Variants in SOBP observed in about 807,000 individuals in gnomAD.
SOBP encodes sine oculis binding protein homolog.
SOBP carries 4 observed loss-of-function variants against 53.6 expected under a neutral mutation model. The ratio of observed to expected loss-of-function variants is 0.07; its 90% confidence interval spans 0.04 to 0.17. The LOEUF is 0.17. Ranked by LOEUF, SOBP falls within the 10% of genes least tolerant of loss-of-function variation. The probability of loss-of-function intolerance (pLI) is 1.00; values close to 1 mark genes in which losing one functional copy is unlikely to be tolerated. For missense variants in SOBP, 1,088 were observed against 1,204.7 expected, an observed-to-expected ratio of 0.90 and a Z score of 1.43; for synonymous variants, 584 against 522.6, an observed-to-expected ratio of 1.12 and a Z score of -1.60.
At chr6:107,643,479 C>T (rs558975799) in intron 6 of SOBP, among the ~76,000 whole-genome samples, 6 of 152,172 alleles carry the variant, frequency 3.9e-5, no homozygotes, top group Admixed American at 1.3e-4. Flanking sequence ...TGCAGTGACG[C>T]GATCTCGGCC....
intron 4 of SOBP, among the ~76,000 whole-genome samples, chr6:107,582,397 G>C (rs1322360221): frequency 6.6e-6 from 1 of 152,144 alleles, no homozygotes; most frequent in African/African-American, 2.4e-5. Context: ...GTTTAAACCA[G>C]AGGTTTTTGA....
At chr6:107,620,797 C>T (rs1245987387) in intron 5 of SOBP, among the ~76,000 whole-genome samples, 1 of 152,222 alleles carries the variant, frequency 6.6e-6, no homozygotes, top group South Asian at 2.1e-4. Flanking sequence ...CTGTGTCTCA[C>T]CAGATCCAGG....
chr6:107,657,250 G>T (rs1326377777), intron 6 of SOBP, among the ~76,000 whole-genome samples: 2 of 152,222 alleles, frequency 1.3e-5, no homozygotes, highest in African/African-American at 4.8e-5. Flanking sequence ...AAGGCTGCAG[G>T]TATCAAGAGG....
chr6:107,601,402 A>T (rs571054190), intron 5 of SOBP, among the ~76,000 whole-genome samples: 1 of 152,358 alleles, frequency 6.6e-6, no homozygotes, highest in African/African-American at 2.4e-5. Flanking sequence ...ATTCATGTGT[A>T]TGTTTGAATT....
intron 4 of SOBP, among the ~76,000 whole-genome samples, chr6:107,561,572 T>C (rs1417000492): frequency 6.6e-6 from 1 of 152,182 alleles, no homozygotes; most frequent in Non-Finnish European, 1.5e-5. Context: ...GAGGAGGTGC[T>C]TTCTCTTTTG....
At chr6:107,522,236 C>G (rs2114972671) in intron 3 of SOBP, among the ~76,000 whole-genome samples, 1 of 152,212 alleles carries the variant, frequency 6.6e-6, no homozygotes, top group South Asian at 2.1e-4. Context: ...CCATGGAGAC[C>G]ATGCCAGGAG....
At chr6:107,630,280 T>C (rs910320758) in intron 5 of SOBP, among the ~76,000 whole-genome samples, 2 of 152,172 alleles carry the variant, frequency 1.3e-5, no homozygotes, top group African/African-American at 4.8e-5. Context: ...TGAAATAAAA[T>C]GTAAAGCTGT....
intron 4 of SOBP, among the ~76,000 whole-genome samples, chr6:107,548,409 A>AT (rs1259314592): frequency 1.1e-4 from 17 of 151,798 alleles, no homozygotes; most frequent in African/African-American, 3.4e-4. Context: ...TGCCTGGCTA[A>AT]TTTTTTGTAT....
intron 4 of SOBP, among the ~76,000 whole-genome samples, chr6:107,539,347 A>G (rs1426542079): frequency 1.3e-5 from 2 of 152,206 alleles, no homozygotes; most frequent in African/African-American, 4.8e-5. Context: ...TGTGTTCAAC[A>G]TTTTTCAGTG....
At position 107,490,536 on chromosome 6, in the gene SOBP, TCCA is replaced by T. The variant is rs929041527; in HGVS notation, c.-78_-76del. The T allele has an allele frequency of 1.8e-5, 18 of 1,014,240 alleles. No individual in the cohort carries two copies. The highest frequency in any genetic ancestry group is 6.2e-5 in the Admixed American group (3 of 48,638). 62.8% of individuals were successfully genotyped at this position (1,014,240 alleles called of 1,614,324 possible). A position where few individuals can be genotyped will look rare whatever the true frequency, so the allele number is the denominator to read the frequency against. On this transcript the variant is annotated 5_prime_UTR_variant, in exon 1 of 7. Transcript: ENST00000317357. Reference sequence around the variant, plus strand: ...CAGCCTCGCCACCATCAGCACCACCTCCACCGCCGCCGCCGCCGCCACCACCAC... The same window carrying T: ...CAGCCTCGCCACCATCAGCACCACCTCCGCCGCCGCCGCCGCCACCACCAC...
At chr6:107,577,455 A>AG (rs1252387849) in intron 4 of SOBP, among the ~76,000 whole-genome samples, 3 of 152,212 alleles carry the variant, frequency 2.0e-5, no homozygotes, top group Non-Finnish European at 1.5e-5. Flanking sequence ...CCAGGGACTC[A>AG]GTTTCACTGA....
intron 3 of SOBP, among the ~76,000 whole-genome samples, chr6:107,518,541 G>A (rs1178077784): frequency 1.3e-5 from 2 of 152,146 alleles, no homozygotes; most frequent in Admixed American, 1.3e-4. Context: ...CAACACAAAT[G>A]TGTATATATG....
intron 3 of SOBP, among the ~76,000 whole-genome samples, chr6:107,521,985 C>G (rs796067259): frequency 1.0e-4 from 15 of 149,560 alleles, no homozygotes; most frequent in South Asian, 2.1e-4. Flanking sequence ...TGAGAATTAC[C>G]AAGTCCAGAG....
At chr6:107,619,962 G>A (rs762214884) in intron 5 of SOBP, among the ~76,000 whole-genome samples, 2 of 152,152 alleles carry the variant, frequency 1.3e-5, no homozygotes, top group Non-Finnish European at 2.9e-5. Flanking sequence ...GGAAGGTTAT[G>A]GTAAGGATTA....
At chr6:107,604,130 T>G (rs900963263) in intron 5 of SOBP, among the ~76,000 whole-genome samples, 1 of 152,264 alleles carries the variant, frequency 6.6e-6, no homozygotes, top group Non-Finnish European at 1.5e-5. Flanking sequence ...CTTTTGAGAA[T>G]GCTGTGAATT....
At chr6:107,500,733 G>T (rs930404338) in intron 1 of SOBP, among the ~76,000 whole-genome samples, 3 of 151,990 alleles carry the variant, frequency 2.0e-5, no homozygotes, top group Non-Finnish European at 4.4e-5. Flanking sequence ...CACCATGTTA[G>T]CCAGGATGGT....
rs140256811 is a variant in SOBP at position 107,501,392 on chromosome 6, G to A, written c.97-2265G>A. Reference sequence around the variant, plus strand: ...GGGGTTGCTCCATGATTATGCATTCGTAGCCTTTGTGTGACTTCAGAGGCT... The same window carrying A: ...GGGGTTGCTCCATGATTATGCATTCATAGCCTTTGTGTGACTTCAGAGGCT... On this transcript the variant is annotated intron_variant, in intron 1 of 6. Transcript: ENST00000317357. Among the ~76,000 whole-genome samples the A allele has an allele frequency of 4.1e-3, 631 of 152,242 alleles. 6 individuals carry two copies. The highest frequency in any genetic ancestry group is 0.015 in the African/African-American group (608 of 41,528).
At chr6:107,546,833 A>T (rs1158213542) in intron 4 of SOBP, among the ~76,000 whole-genome samples, 1 of 152,206 alleles carries the variant, frequency 6.6e-6, no homozygotes, top group South Asian at 2.1e-4. Context: ...GATTTTCAAA[A>T]ATCCAAGTAA....
chr6:107,575,470 A>G (rs974520133), intron 4 of SOBP, among the ~76,000 whole-genome samples: 6 of 152,156 alleles, frequency 3.9e-5, no homozygotes, highest in Admixed American at 1.3e-4. Context: ...GATGCCATCT[A>G]GAGCAACACT....
Sources: gnomAD v4.1 joint callset for allele counts (sites outside exome capture counted in the v4.1 genomes callset) on GRCh38, gnomAD v4.1.1 for gene constraint, MANE v1.5 for transcripts, NCBI Gene and HGNC (gene_info 2026-07-23, HGNC 2026-07-21) for gene names.